Variants in SYT7 observed in about 807,000 individuals in gnomAD.
SYT7 encodes synaptotagmin-7.
SYT7 carries 29 observed loss-of-function variants against 75.1 expected under a neutral mutation model. The ratio of observed to expected loss-of-function variants is 0.39; its 90% CI spans 0.29 to 0.53. SYT7 has a LOEUF of 0.53. Among genes scored for constraint, SYT7 ranks in the 20% least tolerant of loss-of-function variants. SYT7 has a pLI of 0.77. For missense variants in SYT7, 693 were observed against 953.2 expected, an observed-to-expected ratio of 0.73 and a Z score of 3.59; for synonymous variants, 376 against 401.7, an observed-to-expected ratio of 0.94 and a Z score of 0.76.
chr11:61,555,984 T>G (rs1590916880), intron 2 of SYT7, 120 bp downstream of exon 2: 2 of 848,080 alleles, frequency 2.4e-6, no homozygotes, highest in Admixed American at 2.5e-5. Flanking sequence ...TGCGGACAGG[T>G]GAGTCACCTG....
chr11:61,550,333 G>A lies in SYT7; in HGVS notation c.215+1051C>T, dbSNP rs974707495. ...AGCCCTCAGGAGCGGGGTGGAGGGT[G>A]GGGGAGGAGTGGAGAAGAGAAGGTG... is the stretch of plus-strand genomic sequence containing the variant. On this transcript the variant is annotated intron_variant, in intron 3 of 12. Transcript: ENST00000539008. Among the ~76,000 whole-genome samples the A allele has an allele frequency of 2.6e-5, 4 of 152,294 alleles. No homozygotes were observed. In the East Asian group the frequency reaches 5.8e-4, roughly 22 times the overall value.
In SYT7 at chr11:61,580,997, C is replaced by T; in HGVS notation, c.-177G>A. On this transcript the variant is annotated 5_prime_UTR_variant, in exon 1 of 13. Transcript: ENST00000539008. This position sits in a 1 kb window ranked among gnomAD's most constrained non-coding sequence, Gnocchi z 6.1. ...GGAGCGGGGGCCGCCCGCCAGCCCTCCCGCCCGCCCGCGGAGCACGCTGCC... is the reference window on the plus strand; with the variant it reads ...GGAGCGGGGGCCGCCCGCCAGCCCTTCCGCCCGCCCGCGGAGCACGCTGCC... 1.0e-6 allele frequency: 1 copy of T among 954,148 alleles called. No individual in the cohort carries two copies. The highest frequency in any genetic ancestry group is 1.2e-6 in the Non-Finnish European group (1 of 803,816). The allele number at this position is 954,148 out of a possible 1,614,324, so 59.1% of individuals were successfully genotyped here. A position where few individuals can be genotyped will look rare whatever the true frequency, so the allele number is the denominator to read the frequency against.
At chr11:61,556,302 TCTGGCCCCTTCA>T (rs2063499658) in intron 1 of SYT7, 95 bp from the exon 2 acceptor site, 1 of 962,662 alleles carries the variant, frequency 1.0e-6, no homozygotes, top group Non-Finnish European at 1.5e-6. Context: ...CTACCCTCCA[TCTGGCCCCTTCA>T]CTGGGAGCTC....
chr11:61,587,213 C>T, the SYT7 span, among the ~76,000 whole-genome samples: 1 of 152,218 alleles, frequency 6.6e-6, no homozygotes, highest in Non-Finnish European at 1.5e-5. Context: ...CCTCCCAGCG[C>T]TGAACGACTC....
In SYT7 at chr11:61,546,093, C is replaced by T. The variant is rs768754701; in HGVS notation, c.510G>A (p.Ala170=). ...GCACCGTCCGCCAGCGGCCTCTCCC[C>T]GCCTTGCCACCGCTGCCCGGCTCGC... ...APSEPGSGGK[A]GRGRWRTVQS... is the part of the protein sequence containing the mutation. The change falls in exon 5 of 13, where the codon GCG becomes GCA. Residue 170 remains alanine, a synonymous_variant. Coordinates refer to ENST00000539008, the MANE Select transcript of SYT7 (RefSeq NM_001365809.2). The surrounding 1 kb of genome is among the most constrained non-coding windows in gnomAD (Gnocchi z 7.6). 1.8e-5 allele frequency: 27 copies of T among 1,531,944 alleles called. No individual in the cohort carries two copies. Among genetic ancestry groups the T allele is most frequent in the South Asian group, 1.1e-4 (9 of 83,834 alleles). 94.9% of individuals were successfully genotyped at this position (1,531,944 alleles called of 1,614,324 possible). A position where few individuals can be genotyped will look rare whatever the true frequency, so the allele number is the denominator to read the frequency against.
chr11:61,551,127 G>A lies in SYT7; in HGVS notation c.215+257C>T, dbSNP rs2063336387. ...AAAGCGGCAACCAGGGTTGAGGTGG[G>A]CGCAGAAGGTGCTGGCGGTGAGGGC... On this transcript the variant is annotated intron_variant, in intron 3 of 12. Coordinates refer to ENST00000539008, the MANE Select transcript of SYT7 (RefSeq NM_001365809.2). This position sits in a 1 kb window ranked among gnomAD's most constrained non-coding sequence, Gnocchi z 5.3. Among the ~76,000 whole-genome samples, 1 of 152,154 alleles carries A rather than the reference G, an allele frequency of 6.6e-6. No homozygotes were observed. The highest frequency in any genetic ancestry group is 6.5e-5 in the Admixed American group (1 of 15,286).
At position 61,517,596 on chromosome 11, in the gene SYT7, G is replaced by C; in HGVS notation, c.*1031C>G. 2.5e-6 allele frequency: 1 copy of C among 399,670 alleles called. No homozygotes were observed. Among genetic ancestry groups the C allele is most frequent in the Non-Finnish European group, 4.4e-6 (1 of 226,704 alleles). 24.8% of individuals were successfully genotyped at this position (399,670 alleles called of 1,614,324 possible). On this transcript the variant is annotated 3_prime_UTR_variant, in exon 13 of 13. Coordinates refer to ENST00000539008, the MANE Select transcript of SYT7 (RefSeq NM_001365809.2). ...TGAGGAAGGGCAGGCAAGCTGGAAAGCATGGAGAATAGGGCAGATGTGGCT... is the reference window on the plus strand; with the variant it reads ...TGAGGAAGGGCAGGCAAGCTGGAAACCATGGAGAATAGGGCAGATGTGGCT...
At chr11:61,554,861 G>A (rs892853853) in intron 2 of SYT7, among the ~76,000 whole-genome samples, 11 of 152,190 alleles carry the variant, frequency 7.2e-5, no homozygotes, top group African/African-American at 2.7e-4. Context: ...CGCACAGGGA[G>A]CAGAGCTGGC....
rs2062188242 is a variant in SYT7, at chr11:61,517,895, A to G, written c.*732T>C. 3.7e-6 allele frequency: 1 copy of G among 272,722 alleles called. No homozygotes were observed. Among genetic ancestry groups the G allele is most frequent in the Non-Finnish European group, 6.9e-6 (1 of 145,972 alleles). 16.9% of individuals were successfully genotyped at this position (272,722 alleles called of 1,614,324 possible). A position where few individuals can be genotyped will look rare whatever the true frequency, so the allele number is the denominator to read the frequency against. ...GCAGCCCAGTTCTCAGCCCAGCTCC[A>G]GCAACTGCAGCTCTTCTGTTTCTGA... On this transcript the variant is annotated 3_prime_UTR_variant, in exon 13 of 13. Coordinates refer to ENST00000539008, the MANE Select transcript of SYT7 (RefSeq NM_001365809.2).
At chr11:61,571,140 C>T (rs1200325027) in intron 1 of SYT7, among the ~76,000 whole-genome samples, 7 of 152,228 alleles carry the variant, frequency 4.6e-5, no homozygotes, top group Non-Finnish European at 1.0e-4. Flanking sequence ...CCCTGGCCAC[C>T]ACTCTGCATT....
At chr11:61,577,123 C>T (rs2064104804) in intron 1 of SYT7, among the ~76,000 whole-genome samples, 1 of 152,204 alleles carries the variant, frequency 6.6e-6, no homozygotes, top group African/African-American at 2.4e-5. Context: ...CCTGCAAGGC[C>T]ACAGAACAGT....
At chr11:61,532,894 C>T in intron 8 of SYT7, 95 bp downstream of exon 8, 3 of 1,538,176 alleles carry the variant, frequency 2.0e-6, no homozygotes, top group Non-Finnish European at 2.6e-6. Flanking sequence ...TGGCCACTCC[C>T]ATGCTGTTAA....
chr11:61,517,925 T>G lies in SYT7; in HGVS notation c.*702A>C, dbSNP rs2062188809. The G allele has an allele frequency of 4.5e-6, 1 of 220,242 alleles. No homozygotes were observed. Among genetic ancestry groups the G allele is most frequent in the East Asian group, 9.2e-5 (1 of 10,812 alleles). The allele number at this position is 220,242 out of a possible 1,614,324, so 13.6% of individuals were successfully genotyped here. On this transcript the variant is annotated 3_prime_UTR_variant, in exon 13 of 13. Coordinates refer to ENST00000539008, the MANE Select transcript of SYT7 (RefSeq NM_001365809.2). ...CTGCAGCTCTTCTGTTTCTGACCTCTGCCTCACCCGACCCCACTCAGCCCT... is the reference window on the plus strand; with the variant it reads ...CTGCAGCTCTTCTGTTTCTGACCTCGGCCTCACCCGACCCCACTCAGCCCT...
chr11:61,540,857 CA>C, intron 6 of SYT7: 1 of 985,504 alleles, frequency 1.0e-6, no homozygotes, highest in Non-Finnish European at 1.2e-6. Flanking sequence ...GCCTCTGTCC[CA>C]AAACAAACCG....
chr11:61,583,634 T>C (rs1262971771), upstream of SYT7, among the ~76,000 whole-genome samples: 1 of 152,194 alleles, frequency 6.6e-6, no homozygotes, highest in Non-Finnish European at 1.5e-5. Flanking sequence ...GGAGACCCAG[T>C]GCTTGCTCCC....
Position 61,524,351 on chromosome 11 carries a change from A to G in SYT7, c.1641+12T>C, listed in dbSNP as rs765146044. On this transcript the variant is annotated intron_variant, in intron 10 of 12. Coordinates refer to ENST00000539008, the MANE Select transcript of SYT7 (RefSeq NM_001365809.2). This position sits in a 1 kb window ranked among gnomAD's most constrained non-coding sequence, Gnocchi z 4.1. Reference sequence around the variant, plus strand: ...CTGCCTGTCCAGCTAAGACCCACCCATGGGGCCTTACACTCCCATCGCTGC... The same window carrying G: ...CTGCCTGTCCAGCTAAGACCCACCCGTGGGGCCTTACACTCCCATCGCTGC... The G allele has an allele frequency of 5.0e-6, 8 of 1,613,562 alleles. No homozygotes were observed. In the South Asian group the frequency reaches 6.6e-5, roughly 13 times the overall value.
chr11:61,531,528 G>A (rs2062708392), intron 8 of SYT7, among the ~76,000 whole-genome samples: 2 of 152,090 alleles, frequency 1.3e-5, no homozygotes. Context: ...GGGAGAAGGG[G>A]AGAGGTGGGG....
Position 61,542,672 on chromosome 11 carries a change from C to A in SYT7, c.573-93G>T. The A allele has an allele frequency of 7.1e-7, 1 of 1,415,768 alleles. No individual in the cohort carries two copies. Among genetic ancestry groups the A allele is most frequent in the Non-Finnish European group, 9.2e-7 (1 of 1,090,408 alleles). 87.7% of individuals were successfully genotyped at this position (1,415,768 alleles called of 1,614,324 possible). On this transcript the variant is annotated intron_variant, in intron 5 of 12. Coordinates refer to ENST00000539008, the MANE Select transcript of SYT7 (RefSeq NM_001365809.2). The surrounding 1 kb of genome is among the most constrained non-coding windows in gnomAD (Gnocchi z 7.8). ...AGCCGAGGGCCAGGACTAGGAGGCC[C>A]CAGTGCAGGGTGCGCGCTGCCGGAC...
chr11:61,546,807 A>G lies in SYT7; in HGVS notation c.347+370T>C, dbSNP rs903895926. Reference sequence around the variant, plus strand: ...CCACCGAGCAGCCACGGCAGCACACAGCGGGGAGGAAGAAGCGACCACAAC... The same window carrying G: ...CCACCGAGCAGCCACGGCAGCACACGGCGGGGAGGAAGAAGCGACCACAAC... On this transcript the variant is annotated intron_variant, in intron 4 of 12. Coordinates refer to ENST00000539008, the MANE Select transcript of SYT7 (RefSeq NM_001365809.2). The surrounding 1 kb of genome is among the most constrained non-coding windows in gnomAD (Gnocchi z 7.6). The G allele has an allele frequency of 6.3e-5, 23 of 367,358 alleles. No homozygotes were observed. The highest frequency in any genetic ancestry group is 4.7e-4 in the African/African-American group (22 of 46,522). The allele number at this position is 367,358 out of a possible 1,614,324, so 22.8% of individuals were successfully genotyped here.
Sources: gnomAD v4.1 joint callset for allele counts (sites outside exome capture counted in the v4.1 genomes callset) on GRCh38, gnomAD v4.1.1 for gene constraint, Gnocchi (gnomAD v3.1) non-coding constraint, MANE v1.5 for transcripts, NCBI Gene and HGNC (gene_info 2026-07-23, HGNC 2026-07-21) for gene names.